Variants in SCAPER observed in about 807,000 individuals in gnomAD.
SCAPER encodes S phase cyclin A-associated protein in the endoplasmic reticulum.
SCAPER carries 98 observed loss-of-function variants against 182.2 expected under a neutral mutation model. The observed-to-expected ratio is 0.54, with a 90% confidence interval of 0.46 to 0.64. The LOEUF (loss-of-function observed/expected upper bound fraction) is 0.64. SCAPER is among the 30% of genes least tolerant of loss of function. The pLI is 0.00. For missense variants in SCAPER, 1,432 were observed against 1,690.0 expected (o/e 0.85, Z 2.68); for synonymous variants, 605 against 564.6 (o/e 1.07, Z -1.01).
At chr15:76,486,981 C>T (rs1231905442) in intron 24 of SCAPER, among the ~76,000 whole-genome samples, 1 of 152,152 alleles carries the variant, frequency 6.6e-6, no homozygotes, top group Non-Finnish European at 1.5e-5. Context: ...GGTACATGTA[C>T]ACCATGGAAT....
intron 24 of SCAPER, among the ~76,000 whole-genome samples, chr15:76,499,127 G>A (rs1310896451): frequency 6.6e-6 from 1 of 152,160 alleles, no homozygotes; most frequent in African/African-American, 2.4e-5. Context: ...TTGGCCTTTT[G>A]AGTAAGCAAC....
chr15:76,615,050 T>C lies in SCAPER; in HGVS notation c.2711+6714A>G, dbSNP rs190993133. Among the ~76,000 whole-genome samples, 4 of 152,166 alleles carry C rather than the reference T, an allele frequency of 2.6e-5. No homozygotes were observed. In the East Asian group the frequency reaches 7.7e-4, roughly 29 times the overall value. On this transcript the variant is annotated intron_variant, in intron 22 of 31. Transcript: ENST00000563290. ...GACCACTTCCTAGAAACCCAAAATATGCCAAAATCTAATGATGAAGAAATA... is the reference window on the plus strand; with the variant it reads ...GACCACTTCCTAGAAACCCAAAATACGCCAAAATCTAATGATGAAGAAATA...
At chr15:76,410,286 G>A (rs528890215) in intron 26 of SCAPER, among the ~76,000 whole-genome samples, 7 of 152,022 alleles carry the variant, frequency 4.6e-5, no homozygotes, top group East Asian at 1.9e-4. Context: ...TAAGATAACC[G>A]TTTGTAATCA....
At chr15:76,532,812 G>A (rs1032948660) in intron 23 of SCAPER, among the ~76,000 whole-genome samples, 2 of 152,136 alleles carry the variant, frequency 1.3e-5, no homozygotes, top group Non-Finnish European at 2.9e-5. Flanking sequence ...AGAAGATGTC[G>A]CTTTGATTAA....
chr15:76,855,589 A>G (rs2071279525), intron 4 of SCAPER, among the ~76,000 whole-genome samples: 1 of 152,148 alleles, frequency 6.6e-6, no homozygotes, highest in Non-Finnish European at 1.5e-5. Context: ...AAAAACAAAC[A>G]ACCCCATTAA....
At chr15:76,374,471 G>T (rs2042395529) in intron 29 of SCAPER, among the ~76,000 whole-genome samples, 1 of 150,662 alleles carries the variant, frequency 6.6e-6, no homozygotes, top group African/African-American at 2.4e-5. Flanking sequence ...TACAATTAAG[G>T]TTGGCTGAGT....
At chr15:76,662,414 T>C (rs1323313194) in intron 21 of SCAPER, among the ~76,000 whole-genome samples, 2 of 152,134 alleles carry the variant, frequency 1.3e-5, no homozygotes, top group African/African-American at 4.8e-5. Context: ...CTACTATTTA[T>C]ATAAAAATTG....
intron 17 of SCAPER, among the ~76,000 whole-genome samples, chr15:76,718,605 C>T (rs1391122787): frequency 6.6e-6 from 1 of 151,312 alleles, no homozygotes; most frequent in African/African-American, 2.4e-5. Flanking sequence ...CATGCCACTT[C>T]ACTCCAGCCT....
intron 25 of SCAPER, among the ~76,000 whole-genome samples, chr15:76,441,838 T>A (rs1334525254): frequency 6.6e-6 from 1 of 152,176 alleles, no homozygotes; most frequent in East Asian, 1.9e-4. Flanking sequence ...TCTCAGAATA[T>A]AAGCTCCACG....
intron 17 of SCAPER, among the ~76,000 whole-genome samples, chr15:76,713,357 T>A (rs1451536652): frequency 1.3e-5 from 2 of 151,892 alleles, no homozygotes; most frequent in Non-Finnish European, 2.9e-5. Flanking sequence ...CTATTCACAA[T>A]AGCAAAGACT....
chr15:76,691,151 A>T (rs185690257), intron 20 of SCAPER, among the ~76,000 whole-genome samples: 133 of 152,258 alleles, frequency 8.7e-4, no homozygotes, highest in Admixed American at 2.7e-3. Context: ...AGCCAAAAAA[A>T]TCCAATAGAA....
intron 21 of SCAPER, among the ~76,000 whole-genome samples, chr15:76,663,819 G>C (rs1411879132): frequency 2.0e-5 from 3 of 152,052 alleles, no homozygotes; most frequent in African/African-American, 7.2e-5. Context: ...AACTCAAATG[G>C]TGTATTTTTG....
At chr15:76,727,101 T>C (rs1323379919) in intron 17 of SCAPER, among the ~76,000 whole-genome samples, 1 of 152,040 alleles carries the variant, frequency 6.6e-6, no homozygotes, top group Non-Finnish European at 1.5e-5. Flanking sequence ...GATGAAAGGA[T>C]ATAAAGATGT....
Position 76,701,884 on chromosome 15 carries a change from A to G in SCAPER, c.2401-19T>C, listed in dbSNP as rs1397555548. 2 of 1,557,082 alleles carry G rather than the reference A, an allele frequency of 1.3e-6. No homozygotes were observed. The highest frequency in any genetic ancestry group is 2.2e-5 in the South Asian group (2 of 89,766). On this transcript the variant is annotated intron_variant, in intron 19 of 31. Transcript: ENST00000563290. Reference sequence around the variant, plus strand: ...AAGAGATCTGAAAGCACAAAATCAAAGCAATGTAATCAATATAACATTATA... The same window carrying G: ...AAGAGATCTGAAAGCACAAAATCAAGGCAATGTAATCAATATAACATTATA...
At chr15:76,836,892 A>C (rs2069002276) in intron 5 of SCAPER, among the ~76,000 whole-genome samples, 2 of 152,128 alleles carry the variant, frequency 1.3e-5, no homozygotes, top group Non-Finnish European at 2.9e-5. Context: ...AGAAAGAAAG[A>C]AAAGAAAAGT....
chr15:76,587,112 C>A (rs1036537491), intron 22 of SCAPER, among the ~76,000 whole-genome samples: 18 of 151,916 alleles, frequency 1.2e-4, no homozygotes, highest in Non-Finnish European at 2.1e-4. Context: ...TTCATAGTAC[C>A]CTTGAATGAT....
chr15:76,884,447 G>A (rs2073737480), intron 1 of SCAPER, among the ~76,000 whole-genome samples: 2 of 152,164 alleles, frequency 1.3e-5, no homozygotes, highest in Non-Finnish European at 2.9e-5. Context: ...CCTATTTAAT[G>A]TGGCCACACT....
chr15:76,619,533 T>A (rs1215836830), intron 22 of SCAPER, among the ~76,000 whole-genome samples: 2 of 152,214 alleles, frequency 1.3e-5, no homozygotes, highest in African/African-American at 2.4e-5. Context: ...TATATTCCCA[T>A]CTTTTAGAGA....
chr15:76,791,290 T>C (rs1030093802), intron 8 of SCAPER, among the ~76,000 whole-genome samples: 1 of 152,184 alleles, frequency 6.6e-6, no homozygotes, highest in African/African-American at 2.4e-5. Flanking sequence ...GAGCTTGTGC[T>C]AAAATTTGCC....
Sources: allele counts gnomAD v4.1 joint callset (sites outside exome capture counted in the v4.1 genomes callset), GRCh38; gene constraint gnomAD v4.1.1; transcripts MANE v1.5; gene names NCBI Gene and HGNC (gene_info 2026-07-23, HGNC 2026-07-21).